The following ZNF430 variants were observed in gnomAD, a reference collection of about 807,000 sequenced individuals.
ZNF430 encodes zinc finger protein 430.
Under a neutral mutation model 56.7 loss-of-function variants are expected in ZNF430, and 35 were observed. The observed-to-expected ratio is 0.62, with a 90% confidence interval of 0.47 to 0.82. The LOEUF (loss-of-function observed/expected upper bound fraction) is 0.82. Ranked by LOEUF, ZNF430 falls within the 40% of genes least tolerant of loss-of-function variation. The probability of loss-of-function intolerance (pLI) is 0.00; values close to 1 mark genes in which losing one functional copy is unlikely to be tolerated. For synonymous variants in ZNF430, 212 were observed against 224.3 expected, an observed-to-expected ratio of 0.94 and a Z score of 0.49; for missense variants, 574 against 661.0, an observed-to-expected ratio of 0.87 and a Z score of 1.44.
At chr19:21,043,871 C>T (rs182222839) in intron 4 of ZNF430, among the ~76,000 whole-genome samples, 421 of 151,666 alleles carry the variant, frequency 2.8e-3, no homozygotes, top group Admixed American at 4.5e-3. Flanking sequence ...GATGGAGGTT[C>T]GTTCATGATA....
In ZNF430 at chr19:21,034,067, T is replaced by C; in HGVS notation, c.224-19T>C. ...CTGAAGAATATGAGAAAGATTCATG[T>C]TATTTATTTTCAATAAAGCAGGTAT... is the stretch of plus-strand genomic sequence containing the variant. On this transcript the variant is annotated intron_variant, in intron 3 of 4. Coordinates refer to ENST00000261560, the MANE Select transcript of ZNF430 (RefSeq NM_025189.4). 6.3e-7 allele frequency: 1 copy of C among 1,590,070 alleles called. No homozygotes were observed. The highest frequency in any genetic ancestry group is 2.2e-5 in the East Asian group (1 of 44,738).
At chr19:21,051,066 TG>T (rs1409524114) in intron 4 of ZNF430, among the ~76,000 whole-genome samples, 5 of 152,194 alleles carry the variant, frequency 3.3e-5, no homozygotes, top group African/African-American at 1.2e-4. Context: ...ATTAATTATA[TG>T]ACAATGTTAT....
chr19:21,058,205 G>A lies in ZNF430; in HGVS notation c.*184G>A, dbSNP rs10402207. 0.017 allele frequency: 10,224 copies of A among 603,772 alleles called. 762 individuals are homozygous for A. Among genetic ancestry groups the A allele is most frequent in the African/African-American group, 0.17 (9,048 of 54,020 alleles). 37.4% of individuals were successfully genotyped at this position (603,772 alleles called of 1,614,324 possible). A position where few individuals can be genotyped will look rare whatever the true frequency, so the allele number is the denominator to read the frequency against. ...CACACCTGTAATCCCAGCACTTTGG[G>A]AGGCTGAGACGGGTGAATTACATGA... is the stretch of plus-strand genomic sequence containing the variant. On this transcript the variant is annotated 3_prime_UTR_variant, in exon 5 of 5. Coordinates refer to ENST00000261560, the MANE Select transcript of ZNF430 (RefSeq NM_025189.4).
At chr19:21,043,602 G>A (rs1968143668) in intron 4 of ZNF430, among the ~76,000 whole-genome samples, 1 of 151,986 alleles carries the variant, frequency 6.6e-6, no homozygotes, top group Non-Finnish European at 1.5e-5. Flanking sequence ...GGCTATATGG[G>A]GTCTTTTGGG....
At chr19:21,033,065 A>G (rs1437918380) in intron 2 of ZNF430, among the ~76,000 whole-genome samples, 1 of 152,022 alleles carries the variant, frequency 6.6e-6, no homozygotes, top group Non-Finnish European at 1.5e-5. Flanking sequence ...TGTGTGAAAA[A>G]TTATTGGGGC....
At chr19:21,038,210 TG>T (rs1968038134) in intron 4 of ZNF430, among the ~76,000 whole-genome samples, 1 of 152,200 alleles carries the variant, frequency 6.6e-6, no homozygotes, top group Non-Finnish European at 1.5e-5. Flanking sequence ...AAAATATTTT[TG>T]TATATGATTC....
At position 21,057,170 on chromosome 19, in the gene ZNF430, C is replaced by T; in HGVS notation, c.862C>T (p.Pro288Ser). 4 of 1,613,666 alleles carry T rather than the reference C, an allele frequency of 2.5e-6. No individual in the cohort carries two copies. The highest frequency in any genetic ancestry group is 3.4e-6 in the Non-Finnish European group (4 of 1,179,926). Residue 288 changes from proline (P) to serine (S), a missense_variant, in exon 5 of 5, where the codon CCC becomes TCC. By Grantham distance (74) the Pro-to-Ser change is moderately conservative. Coordinates refer to ENST00000261560, the MANE Select transcript of ZNF430 (RefSeq NM_025189.4). ...TAAGATAATTCATACTGGAGAGAAA[C>T]CCTACAGATGTGAAGAATGTGGCAA... is the stretch of plus-strand genomic sequence containing the variant. ...THKIIHTGEK[P>S]YRCEECGKTF...
intron 4 of ZNF430, among the ~76,000 whole-genome samples, chr19:21,037,726 C>G (rs1968029306): frequency 6.6e-6 from 1 of 152,156 alleles, no homozygotes; most frequent in South Asian, 2.1e-4. Flanking sequence ...TTCATTGCAT[C>G]ATCAACAGAT....
intron 2 of ZNF430, among the ~76,000 whole-genome samples, chr19:21,027,959 T>G (rs932629761): frequency 1.4e-4 from 21 of 152,218 alleles, no homozygotes; most frequent in African/African-American, 5.1e-4. Flanking sequence ...TCCTTTTAGG[T>G]AGTCATATCA....
At chr19:21,022,358 C>T (rs1216455933) in intron 1 of ZNF430, among the ~76,000 whole-genome samples, 2 of 152,162 alleles carry the variant, frequency 1.3e-5, no homozygotes, top group Admixed American at 1.3e-4. Flanking sequence ...CTGGCGTTCC[C>T]AAATGCCAAC....
At position 21,056,779 on chromosome 19, in the gene ZNF430, G is replaced by A; in HGVS notation, c.471G>A (p.Leu157=). 2 of 1,613,920 alleles carry A rather than the reference G, an allele frequency of 1.2e-6. No individual in the cohort carries two copies. The highest frequency in any genetic ancestry group is 1.7e-6 in the Non-Finnish European group (2 of 1,179,930). ...TGCKSVDECN[L]HKECYDELNQ... Reference sequence around the variant, plus strand: ...GTAAAAGTGTGGATGAGTGTAATCTGCACAAAGAATGTTATGATGAACTAA... The same window carrying A: ...GTAAAAGTGTGGATGAGTGTAATCTACACAAAGAATGTTATGATGAACTAA... Residue 157 remains leucine (L), a synonymous_variant, in exon 5 of 5, where the codon CTG becomes CTA. Coordinates refer to ENST00000261560, the MANE Select transcript of ZNF430 (RefSeq NM_025189.4).
chr19:21,039,612 A>G (rs1968068148), intron 4 of ZNF430, among the ~76,000 whole-genome samples: 1 of 151,510 alleles, frequency 6.6e-6, no homozygotes, highest in Admixed American at 6.6e-5. Flanking sequence ...GATTACAGGC[A>G]CCCACCATTA....
At chr19:21,054,574 GTCTGTGACTTTTGAAATTGTGCTTA>G (rs1349183693) in intron 4 of ZNF430, among the ~76,000 whole-genome samples, 1 of 146,302 alleles carries the variant, frequency 6.8e-6, no homozygotes, top group African/African-American at 2.5e-5. Flanking sequence ...GGCTGTTTTT[GTCTGTGACTTTTGAAATTGTGCTTA>G]TATATGTGTT....
chr19:21,047,357 G>A (rs897634168), intron 4 of ZNF430, among the ~76,000 whole-genome samples: 6 of 152,080 alleles, frequency 3.9e-5, no homozygotes, highest in South Asian at 2.1e-4. Context: ...CTTAGCCACC[G>A]CCCAGTTCTG....
intron 3 of ZNF430, chr19:21,033,867 A>T: frequency 1.8e-6 from 1 of 546,338 alleles, no homozygotes; most frequent in Non-Finnish European, 3.0e-6. Flanking sequence ...CTTAAAATCT[A>T]TTTGCCGCCA....
intron 1 of ZNF430, 46 bp from the exon 2 acceptor site, chr19:21,022,743 T>TA: frequency 7.8e-7 from 1 of 1,286,982 alleles, no homozygotes; most frequent in Non-Finnish European, 1.1e-6. Flanking sequence ...TTATGTCAGT[T>TA]AGAGTGTCTA....
chr19:21,049,662 C>CTGCAACATTTCTTGTTACATTTCG (rs1555803133), intron 4 of ZNF430: 21 of 23,092 alleles, frequency 9.1e-4, no homozygotes, highest in Admixed American at 4.2e-3. Flanking sequence ...GTTACGTTTC[C>CTGCAACATTTCTTGTTACATTTCG]TGCAACATTT....
intron 3 of ZNF430, 155 bp downstream of exon 3, chr19:21,033,737 T>C (rs1967944142): frequency 3.3e-6 from 3 of 904,512 alleles, no homozygotes; most frequent in Non-Finnish European, 4.7e-6. Context: ...TAGGAAAGAA[T>C]TTTTTCAAGA....
chr19:21,038,722 C>T (rs886723622), intron 4 of ZNF430, among the ~76,000 whole-genome samples: 7 of 152,010 alleles, frequency 4.6e-5, no homozygotes, highest in Non-Finnish European at 1.0e-4. Context: ...GCCACTGCAC[C>T]CTGCCTAATA....
Sources: allele counts gnomAD v4.1 joint callset (sites outside exome capture counted in the v4.1 genomes callset), GRCh38; gene constraint gnomAD v4.1.1; transcripts MANE v1.5; gene names NCBI Gene and HGNC (gene_info 2026-07-23, HGNC 2026-07-21).